BTBD2: variants seen among roughly 807,000 people sequenced by gnomAD.
BTBD2 encodes BTB domain containing 2, also known as BTB/POZ domain-containing protein 2.
A neutral mutation model predicts 44.0 loss-of-function variants in BTBD2; 15 were observed. The observed-to-expected ratio is 0.34, with a 90% confidence interval of 0.23 to 0.53. BTBD2 has a LOEUF of 0.53. Among genes scored for constraint, BTBD2 ranks in the 20% least tolerant of loss-of-function variants. BTBD2 has a pLI of 0.95. For missense variants in BTBD2, 657 were observed against 746.4 expected, an observed-to-expected ratio of 0.88 and a Z score of 1.39; for synonymous variants, 443 against 335.9, an observed-to-expected ratio of 1.32 and a Z score of -3.49.
At position 2,004,342 on chromosome 19, in the gene BTBD2, T is replaced by C. The variant is rs372945295; in HGVS notation, c.408-6879A>G. ...TTCACTAGTGTTGCCTAGGCTGGAG[T>C]GCAATGGCATGATCTCAGCTCACCA... On this transcript the variant is annotated intron_variant, in intron 1 of 8. Coordinates refer to ENST00000255608, the MANE Select transcript of BTBD2 (RefSeq NM_017797.4). 5.4e-5 allele frequency among the ~76,000 whole-genome samples: 8 copies of C among 147,450 alleles called. No individual in the cohort carries two copies. In the East Asian group the frequency reaches 1.2e-3, roughly 22 times the overall value.
At position 2,000,456 on chromosome 19, in the gene BTBD2, C is replaced by T. The variant is rs1599355747; in HGVS notation, c.408-2993G>A. 2.0e-5 allele frequency among the ~76,000 whole-genome samples: 3 copies of T among 152,360 alleles called. No individual in the cohort carries two copies. In the East Asian group the frequency reaches 5.8e-4, roughly 29 times the overall value. ...AGAAAGCAGGAGGCACTCAAGTGGGCCCGGCGTGGGCCGTCCATGCAGTTT... is the reference window on the plus strand; with the variant it reads ...AGAAAGCAGGAGGCACTCAAGTGGGTCCGGCGTGGGCCGTCCATGCAGTTT... On this transcript the variant is annotated intron_variant, in intron 1 of 8. Transcript: ENST00000255608.
chr19:2,011,940 C>T (rs767054037), intron 1 of BTBD2, among the ~76,000 whole-genome samples: 10 of 152,038 alleles, frequency 6.6e-5, no homozygotes, highest in South Asian at 2.1e-4. Context: ...CTGCAACCTC[C>T]GCCTCCCGGG....
chr19:1,992,731 C>T lies in BTBD2; in HGVS notation c.684+289G>A, dbSNP rs1184479865. ...GAATTACAGGTGCCCGCCACCACGC[C>T]CGGCTCTTTTTTGTGTTTTTAGTAG... is the stretch of plus-strand genomic sequence containing the variant. On this transcript the variant is annotated intron_variant, in intron 3 of 8. Coordinates refer to ENST00000255608, the MANE Select transcript of BTBD2 (RefSeq NM_017797.4). 5.7e-4 allele frequency among the ~76,000 whole-genome samples: 87 copies of T among 152,094 alleles called. 1 individual carries two copies. Among genetic ancestry groups the T allele is most frequent in the Non-Finnish European group, 8.8e-5 (6 of 67,956 alleles).
chr19:1,988,889 G>T (rs927197060), intron 5 of BTBD2, among the ~76,000 whole-genome samples: 1 of 152,124 alleles, frequency 6.6e-6, no homozygotes, highest in Non-Finnish European at 1.5e-5. Flanking sequence ...ACAGGAGTGA[G>T]TGACCCAGCC....
rs781443709 is a variant in BTBD2, at chr19:1,986,590, G to T, written c.1476C>A (p.Thr492=). 22 of 1,613,878 alleles carry T rather than the reference G, an allele frequency of 1.4e-5. No homozygotes were observed. The highest frequency in any genetic ancestry group is 1.8e-5 in the Non-Finnish European group (21 of 1,179,934). Residue 492 remains threonine, a synonymous_variant, in exon 9 of 9, where the codon ACC becomes ACA. Transcript: ENST00000255608. ...AGGTGAAGCAGGTCTTGGCGCCCGT[G>T]GTGGGCGACTCGTGTGTCACCTTGC... ...GLRKVTHESP[T]TGAKTCFTFC... is the part of the protein sequence containing the mutation.
At chr19:2,014,553 G>C (rs901760529) in intron 1 of BTBD2, 1 of 153,668 alleles carries the variant, frequency 6.5e-6, no homozygotes, top group African/African-American at 2.4e-5. Context: ...GAGGTGTCTG[G>C]GGACCTGGGG....
chr19:2,010,261 G>C (rs768812773), intron 1 of BTBD2, among the ~76,000 whole-genome samples: 5 of 152,214 alleles, frequency 3.3e-5, no homozygotes, highest in East Asian at 1.9e-4. Context: ...AGCCCCATGA[G>C]AGAATCAGAT....
At chr19:2,013,026 A>C (rs548031514) in intron 1 of BTBD2, among the ~76,000 whole-genome samples, 1 of 152,302 alleles carries the variant, frequency 6.6e-6, no homozygotes, top group Admixed American at 6.5e-5. Context: ...CCCAGCAGCT[A>C]AGGACGACAG....
intron 8 of BTBD2, 84 bp from the exon 9 acceptor site, chr19:1,986,733 C>A (rs2016089584): frequency 8.2e-6 from 13 of 1,579,986 alleles, no homozygotes; most frequent in Non-Finnish European, 1.1e-5. Context: ...CCCGACTGGG[C>A]CAGGGTGGCT....
chr19:1,990,251 C>A, intron 4 of BTBD2, 50 bp from the exon 5 acceptor site: 1 of 1,540,064 alleles, frequency 6.5e-7, no homozygotes, highest in Non-Finnish European at 8.8e-7. Context: ...ACATGCCCAC[C>A]CTGCAGGAGG....
At chr19:1,991,882 A>G (rs1423613213) in intron 3 of BTBD2, 4 of 150,540 alleles carry the variant, frequency 2.7e-5, no homozygotes, top group Admixed American at 1.3e-4. Flanking sequence ...TCTACCTGAC[A>G]TTTCCTTAGA....
chr19:1,997,208 C>T, intron 2 of BTBD2, 136 bp downstream of exon 2: 1 of 1,314,318 alleles, frequency 7.6e-7, no homozygotes, highest in Non-Finnish European at 1.0e-6. Context: ...GCCTCTGGAA[C>T]CCCTCATTGC....
chr19:1,997,038 G>A (rs993178550), intron 2 of BTBD2, among the ~76,000 whole-genome samples: 7 of 151,866 alleles, frequency 4.6e-5, no homozygotes, highest in Non-Finnish European at 7.4e-5. Context: ...AAATTAGCCG[G>A]GCGTGGTGGC....
chr19:1,987,348 G>T (rs1383137871), intron 6 of BTBD2, 95 bp from the exon 7 acceptor site: 2 of 1,444,802 alleles, frequency 1.4e-6, no homozygotes, highest in Non-Finnish European at 1.9e-6. Context: ...CCCCTCCATC[G>T]TCCCTGAGTC....
chr19:2,010,964 T>A (rs555797100), intron 1 of BTBD2, among the ~76,000 whole-genome samples: 1 of 152,270 alleles, frequency 6.6e-6, no homozygotes, highest in East Asian at 1.9e-4. Flanking sequence ...TTCTCTCTGC[T>A]GTGTGGCCTG....
At chr19:2,012,227 C>A (rs1370206804) in intron 1 of BTBD2, among the ~76,000 whole-genome samples, 1 of 149,194 alleles carries the variant, frequency 6.7e-6, no homozygotes, top group Non-Finnish European at 1.5e-5. Context: ...ATCTCGGTTC[C>A]CTGCAACCTC....
At position 1,993,034 on chromosome 19, in the gene BTBD2, T is replaced by A; in HGVS notation, c.670A>T (p.Met224Leu). Residue 224 changes from methionine (M) to leucine (L), a missense_variant, in exon 3 of 9, where the codon ATG (methionine) becomes TTG (leucine). Physicochemically the swap from Met to Leu is conservative, Grantham distance 15 (BLOSUM62 2). This residue lies in a region of BTBD2 where 449 missense variants were observed against 510.9 expected (regional missense o/e 0.88). Coordinates refer to ENST00000255608, the MANE Select transcript of BTBD2 (RefSeq NM_017797.4). ...KKNLRADNAF[M>L]LLTQARLFDE... Reference sequence around the variant, plus strand: ...GCCCCGCCCACCTGCGTGAGCAGCATGAAGGCGTTGTCGGCTCGCAGGTTC... The same window carrying A: ...GCCCCGCCCACCTGCGTGAGCAGCAAGAAGGCGTTGTCGGCTCGCAGGTTC... 6.9e-7 allele frequency: 1 copy of A among 1,452,184 alleles called. No individual in the cohort carries two copies. The highest frequency in any genetic ancestry group is 9.2e-7 in the Non-Finnish European group (1 of 1,084,256). 90.0% of individuals were successfully genotyped at this position (1,452,184 alleles called of 1,614,324 possible). A position where few individuals can be genotyped will look rare whatever the true frequency, so the allele number is the denominator to read the frequency against.
intron 2 of BTBD2, among the ~76,000 whole-genome samples, chr19:1,995,894 A>G (rs2016245298): frequency 6.6e-6 from 1 of 151,974 alleles, no homozygotes; most frequent in Non-Finnish European, 1.5e-5. Context: ...TGATCTCGTG[A>G]TCCGCCCATC....
At chr19:2,009,387 A>G (rs1400397751) in intron 1 of BTBD2, among the ~76,000 whole-genome samples, 1 of 151,344 alleles carries the variant, frequency 6.6e-6, no homozygotes, top group Non-Finnish European at 1.5e-5. Context: ...TTTAGTAGAG[A>G]CGGGGTTTCA....
Sources: allele counts gnomAD v4.1 joint callset (sites outside exome capture counted in the v4.1 genomes callset), GRCh38; gene constraint gnomAD v4.1.1; regional missense constraint gnomAD v4.1.1; transcripts MANE v1.5; gene names NCBI Gene and HGNC (gene_info 2026-07-23, HGNC 2026-07-21).